The following FGF13 variants were observed in gnomAD, a reference collection of about 807,000 sequenced individuals.
The protein encoded by FGF13 is fibroblast growth factor 13, also known as fibroblast growth factor homologous factor 2.
Under a neutral mutation model 19.5 loss-of-function variants are expected in FGF13, and 2 were observed. The ratio of observed to expected loss-of-function variants is 0.10; its 90% CI spans 0.04 to 0.32. The LOEUF (loss-of-function observed/expected upper bound fraction) is 0.32, where lower values mean the gene tolerates loss of function less well. Ranked by LOEUF, FGF13 falls within the 10% of genes least tolerant of loss-of-function variation. The pLI is 1.00. For missense variants in FGF13, 113 were observed against 192.7 expected, an observed-to-expected ratio of 0.59 and a Z score of 2.45; for synonymous variants, 72 against 76.9, an observed-to-expected ratio of 0.94 and a Z score of 0.33.
intron 1 of FGF13, among the ~76,000 whole-genome samples, chrX:139,157,052 C>T (rs1175226401): frequency 9.0e-6 from 1 of 111,617 alleles, no homozygotes. Flanking sequence ...AGGAAAGTGA[C>T]ATTTGCTGAG....
chrX:138,881,704 T>C (rs927307232), intron 1 of FGF13, among the ~76,000 whole-genome samples: 2 of 112,130 alleles, frequency 1.8e-5, no homozygotes, highest in Admixed American at 1.9e-4. Flanking sequence ...TATAGTTGTT[T>C]ATATTATCCT....
chrX:139,017,120 T>G (rs2092157141), intron 1 of FGF13, among the ~76,000 whole-genome samples: 1 of 107,994 alleles, frequency 9.3e-6, no homozygotes, highest in Non-Finnish European at 1.9e-5. Context: ...ATGTAATGCA[T>G]ATACGCATAC....
chrX:138,954,095 C>CGAGAGAGAGAGAGAGAGAGA (rs199755534), intron 1 of FGF13, among the ~76,000 whole-genome samples: 1 of 94,170 alleles, frequency 1.1e-5, no homozygotes, highest in African/African-American at 3.9e-5. Flanking sequence ...GTAAATTTAA[C>CGAGAGAGAGAGAGAGAGAGA]GAGAGAGAGA....
chrX:138,852,935 A>AGCC (rs2091232118), downstream of FGF13, among the ~76,000 whole-genome samples: 1 of 111,253 alleles, frequency 9.0e-6, no homozygotes. Flanking sequence ...ACATTCATGC[A>AGCC]GCCAACAAAC....
At chrX:138,660,615 C>A (rs181934044) in intron 3 of FGF13, among the ~76,000 whole-genome samples, 1 of 111,180 alleles carries the variant, frequency 9.0e-6, no homozygotes, top group East Asian at 2.8e-4. Flanking sequence ...GTGTTACAAT[C>A]CAGTTATACT....
intron 1 of FGF13, among the ~76,000 whole-genome samples, chrX:139,062,492 G>T (rs2092339704): frequency 9.0e-6 from 1 of 111,631 alleles, no homozygotes. Flanking sequence ...GATACCTCCA[G>T]CTTCCTTCTT....
chrX:138,892,905 G>C (rs1347043151), intron 1 of FGF13, among the ~76,000 whole-genome samples: 1 of 103,531 alleles, frequency 9.7e-6, no homozygotes, highest in African/African-American at 3.5e-5. Flanking sequence ...CCAATATTTA[G>C]TGACTACCCA....
At chrX:138,647,968 G>A (rs975144049) in intron 3 of FGF13, among the ~76,000 whole-genome samples, 1 of 111,915 alleles carries the variant, frequency 8.9e-6, no homozygotes, top group Middle Eastern at 4.6e-3. Flanking sequence ...GCATAGAAGT[G>A]GTTTCAGATA....
chrX:139,008,361 C>T (rs953605478), intron 1 of FGF13, among the ~76,000 whole-genome samples: 7 of 112,440 alleles, frequency 6.2e-5, no homozygotes, highest in African/African-American at 9.7e-5. Flanking sequence ...CTCTTGAAAG[C>T]GTCACCTCCT....
At chrX:138,830,008 C>T (rs187558589) in intron 3 of FGF13, among the ~76,000 whole-genome samples, 3 of 112,663 alleles carry the variant, frequency 2.7e-5, no homozygotes, top group African/African-American at 6.4e-5. Context: ...CGTGAGCCAT[C>T]GCGCCTGGCT....
intron 3 of FGF13, among the ~76,000 whole-genome samples, chrX:138,791,425 C>T (rs1216254760): frequency 1.9e-4 from 21 of 112,235 alleles, no homozygotes; most frequent in Admixed American, 1.8e-3. Flanking sequence ...GCTTCCTTTA[C>T]CTAATCTCTA....
intron 1 of FGF13, among the ~76,000 whole-genome samples, chrX:139,009,137 A>G (rs916174674): frequency 1.2e-4 from 14 of 112,223 alleles, no homozygotes; most frequent in African/African-American, 4.5e-4. Flanking sequence ...AAAAATTAAC[A>G]AAGCCTCCAA....
At position 138,728,442 on chromosome X, in the gene FGF13, T is replaced by A. The variant is rs1430022321; in HGVS notation, c.28+10800A>T. 2.7e-5 allele frequency among the ~76,000 whole-genome samples: 3 copies of A among 111,380 alleles called. No individual in the cohort carries two copies. In the East Asian group the frequency reaches 8.5e-4, roughly 31 times the overall value. On this transcript the variant is annotated intron_variant, in intron 1 of 4. Coordinates refer to the FGF13 transcript ENST00000305414. Reference sequence around the variant, plus strand: ...ATTGCTTACTCAAGTATGCACAGAGTTTTGGAATATTAGGTGGCTGGTGGA... The same window carrying A: ...ATTGCTTACTCAAGTATGCACAGAGATTTGGAATATTAGGTGGCTGGTGGA...
intron 1 of FGF13, among the ~76,000 whole-genome samples, chrX:139,135,736 G>A (rs2083794777): frequency 9.0e-6 from 1 of 111,226 alleles, no homozygotes; most frequent in South Asian, 3.8e-4. Flanking sequence ...GATAGTATAT[G>A]GAGGTGCTAA....
At chrX:139,115,440 T>G (rs1156388025) in intron 1 of FGF13, among the ~76,000 whole-genome samples, 1 of 111,714 alleles carries the variant, frequency 9.0e-6, no homozygotes, top group Non-Finnish European at 1.9e-5. Flanking sequence ...AAGCAAGCCA[T>G]TTTGCGTCCA....
chrX:139,077,683 A>T (rs1186283135), intron 1 of FGF13, among the ~76,000 whole-genome samples: 4 of 112,016 alleles, frequency 3.6e-5, no homozygotes, highest in Admixed American at 1.9e-4. Context: ...AGTGATTCTC[A>T]GTGGGGATTG....
chrX:138,846,406 C>T (rs2091183993), intron 3 of FGF13, among the ~76,000 whole-genome samples: 1 of 111,227 alleles, frequency 9.0e-6, no homozygotes, highest in South Asian at 3.8e-4. Flanking sequence ...GGTTTTACAC[C>T]CAATTCAGGG....
chrX:138,885,697 C>A (rs2091448026), intron 1 of FGF13, among the ~76,000 whole-genome samples: 1 of 106,820 alleles, frequency 9.4e-6, no homozygotes, highest in African/African-American at 3.5e-5. Context: ...GAGGGCTTCT[C>A]TAACCCCCCC....
downstream of FGF13, among the ~76,000 whole-genome samples, chrX:138,853,192 C>A (rs1011607864): frequency 2.1e-4 from 23 of 111,530 alleles, no homozygotes; most frequent in African/African-American, 7.5e-4. Flanking sequence ...ACTATTAATT[C>A]AAATTAATGC....
Sources: allele counts gnomAD v4.1 joint callset (sites outside exome capture counted in the v4.1 genomes callset), GRCh38; gene constraint gnomAD v4.1.1; transcripts MANE v1.5; gene names NCBI Gene and HGNC (gene_info 2026-07-23, HGNC 2026-07-21).